The following ROBO2 variants were observed in gnomAD, a reference collection of about 807,000 sequenced individuals.
ROBO2 encodes roundabout homolog 2.
Under a neutral mutation model 160.8 loss-of-function variants are expected in ROBO2, and 53 were observed. That is an observed-to-expected ratio of 0.33 (90% confidence interval 0.26 to 0.41). The LOEUF (loss-of-function observed/expected upper bound fraction) is 0.41. ROBO2 is among the 10% of genes least tolerant of loss of function. The pLI, the probability that ROBO2 is intolerant of heterozygous loss-of-function variation, is 1.00. For synonymous variants in ROBO2, 664 were observed against 611.7 expected (o/e 1.09, Z -1.26); for missense variants, 1,577 against 1,722.4 (o/e 0.92, Z 1.49).
intron 2 of ROBO2, among the ~76,000 whole-genome samples, chr3:77,296,527 T>G (rs1239314994): frequency 6.6e-6 from 1 of 152,154 alleles, no homozygotes; most frequent in African/African-American, 2.4e-5. Flanking sequence ...TTTGCTTCTG[T>G]TCTCTTTTTT....
intron 2 of ROBO2, among the ~76,000 whole-genome samples, chr3:76,485,276 G>T (rs2079433003): frequency 6.6e-6 from 1 of 151,864 alleles, no homozygotes; most frequent in African/African-American, 2.4e-5. Flanking sequence ...AGATCATCAG[G>T]CACTAGATTC....
intron 2 of ROBO2, among the ~76,000 whole-genome samples, chr3:76,685,811 C>T (rs570608766): frequency 1.1e-4 from 16 of 152,034 alleles, no homozygotes; most frequent in Non-Finnish European, 8.8e-5. Context: ...TAATGTGCAT[C>T]GACAATGAAT....
chr3:76,460,894 G>C (rs2106777532), intron 2 of ROBO2, among the ~76,000 whole-genome samples: 1 of 152,298 alleles, frequency 6.6e-6, no homozygotes, highest in Middle Eastern at 3.4e-3. Context: ...TAGTGATTAA[G>C]ACTGTGATAG....
intron 2 of ROBO2, among the ~76,000 whole-genome samples, chr3:76,607,022 T>C (rs984095395): frequency 1.3e-5 from 2 of 152,202 alleles, no homozygotes; most frequent in African/African-American, 4.8e-5. Flanking sequence ...TAGAATTTGC[T>C]GCAAATTTAT....
intron 2 of ROBO2, among the ~76,000 whole-genome samples, chr3:76,484,584 C>A (rs190969153): frequency 6.6e-6 from 1 of 152,084 alleles, no homozygotes; most frequent in Non-Finnish European, 1.5e-5. Context: ...ATTTTCTGAT[C>A]ATTATAGGTT....
chr3:76,678,873 G>C (rs1184268477), intron 2 of ROBO2, among the ~76,000 whole-genome samples: 2 of 152,054 alleles, frequency 1.3e-5, no homozygotes, highest in African/African-American at 4.8e-5. Context: ...GTTTTTAATG[G>C]TATTATTCAT....
intron 2 of ROBO2, among the ~76,000 whole-genome samples, chr3:76,490,767 T>C (rs1315385079): frequency 6.6e-6 from 1 of 152,192 alleles, no homozygotes; most frequent in Non-Finnish European, 1.5e-5. Context: ...TCTATCGCAT[T>C]AGTTATGTGT....
At chr3:76,269,433 A>T (rs932114877) in intron 2 of ROBO2, among the ~76,000 whole-genome samples, 1 of 152,012 alleles carries the variant, frequency 6.6e-6, no homozygotes, top group Non-Finnish European at 1.5e-5. Context: ...TTCCTTCTGA[A>T]TGTTCAGATC....
chr3:75,945,044 T>G (rs1294319028), intron 2 of ROBO2, among the ~76,000 whole-genome samples: 2 of 152,152 alleles, frequency 1.3e-5, no homozygotes, highest in African/African-American at 4.8e-5. Context: ...CTTTATTTAT[T>G]TATAAGCTCC....
At chr3:77,457,759 C>T (rs540750694) in intron 2 of ROBO2, among the ~76,000 whole-genome samples, 3 of 152,058 alleles carry the variant, frequency 2.0e-5, no homozygotes, top group Admixed American at 1.3e-4. Context: ...AGTGTTTAAA[C>T]CAGATTATTC....
intron 2 of ROBO2, among the ~76,000 whole-genome samples, chr3:76,162,726 A>G (rs1374140995): frequency 1.3e-5 from 2 of 152,150 alleles, no homozygotes; most frequent in Non-Finnish European, 2.9e-5. Flanking sequence ...GAGTATGCCC[A>G]TCTTTTTTCA....
intron 2 of ROBO2, among the ~76,000 whole-genome samples, chr3:77,155,739 G>C (rs1271560641): frequency 6.6e-6 from 1 of 151,994 alleles, no homozygotes; most frequent in East Asian, 1.9e-4. Context: ...AAAGTCACCA[G>C]TTATCTCCAT....
chr3:75,994,066 G>A (rs1391394141), intron 2 of ROBO2, among the ~76,000 whole-genome samples: 1 of 152,098 alleles, frequency 6.6e-6, no homozygotes, highest in East Asian at 1.9e-4. Flanking sequence ...GGACAGCCAA[G>A]CACAAAACCA....
At chr3:77,415,362 A>G (rs2077129802) in intron 2 of ROBO2, among the ~76,000 whole-genome samples, 1 of 152,198 alleles carries the variant, frequency 6.6e-6, no homozygotes, top group Non-Finnish European at 1.5e-5. Flanking sequence ...GGTGACGTTA[A>G]GTATGTCTGT....
intron 2 of ROBO2, among the ~76,000 whole-genome samples, chr3:76,350,105 C>T (rs1389507628): frequency 6.6e-6 from 1 of 151,884 alleles, no homozygotes; most frequent in East Asian, 1.9e-4. Flanking sequence ...GGACTGTCTC[C>T]CAATAAAGCT....
At chr3:77,256,003 A>G (rs764366178) in intron 2 of ROBO2, among the ~76,000 whole-genome samples, 70 of 152,334 alleles carry the variant, frequency 4.6e-4, no homozygotes, top group Non-Finnish European at 7.6e-4. Flanking sequence ...TGACATCAGG[A>G]AATGTGTTTG....
chr3:77,607,914 A>C, exon 21 of ROBO2: 2 of 1,613,694 alleles, frequency 1.2e-6, no homozygotes, highest in Non-Finnish European at 1.7e-6. Flanking sequence ...CCTTCCTGGC[A>C]CGGAGCTGGA....
chr3:76,737,066 G>C (rs2093724826), intron 2 of ROBO2, among the ~76,000 whole-genome samples: 1 of 152,096 alleles, frequency 6.6e-6, no homozygotes, highest in Non-Finnish European at 1.5e-5. Flanking sequence ...GCTTAGTATA[G>C]GTTTAAAAAT....
At chr3:76,760,627 T>C (rs2061251396) in intron 2 of ROBO2, among the ~76,000 whole-genome samples, 1 of 151,526 alleles carries the variant, frequency 6.6e-6, no homozygotes, top group Admixed American at 6.6e-5. Flanking sequence ...CTTTTGCTCT[T>C]ACACACACAC....
Sources: gnomAD v4.1 joint callset for allele counts (sites outside exome capture counted in the v4.1 genomes callset) on GRCh38, gnomAD v4.1.1 for gene constraint, MANE v1.5 for transcripts, NCBI Gene and HGNC (gene_info 2026-07-23, HGNC 2026-07-21) for gene names.